The following TNR variants were observed in gnomAD, a reference collection of about 807,000 sequenced individuals.
TNR encodes the protein tenascin-R.
TNR carries 45 observed loss-of-function variants against 150.4 expected under a neutral mutation model. The observed-to-expected ratio is 0.30, with a 90% CI of 0.24 to 0.38. The LOEUF is 0.38. Among genes scored for constraint, TNR ranks in the 10% least tolerant of loss-of-function variants. The probability of loss-of-function intolerance (pLI) is 1.00; values close to 1 mark genes in which losing one functional copy is unlikely to be tolerated. For synonymous variants in TNR, 687 were observed against 678.4 expected (o/e 1.01, Z -0.20); for missense variants, 1,544 against 1,759.1 (o/e 0.88, Z 2.19).
Position 175,625,952 on chromosome 1 carries a change from G to A in TNR, c.-164-97583C>T, listed in dbSNP as rs568609873. Among the ~76,000 whole-genome samples, 4 of 142,110 alleles carry A rather than the reference G, an allele frequency of 2.8e-5. No homozygotes were observed. The East Asian group carries it at 7.0e-4, about 25-fold the overall frequency. The allele number at this position is 142,110 out of a possible 152,430, so 93.2% of individuals were successfully genotyped here. Reference sequence around the variant, plus strand: ...ATTGTATCTCCCAGAATTCCCAAGTGTTGTGGGAGGGACCCGGGGGGGAGG... The same window carrying A: ...ATTGTATCTCCCAGAATTCCCAAGTATTGTGGGAGGGACCCGGGGGGGAGG... On this transcript the variant is annotated intron_variant, in intron 1 of 22. Transcript: ENST00000367674.
intron 2 of TNR, among the ~76,000 whole-genome samples, chr1:175,498,760 G>A (rs1320274388): frequency 6.6e-6 from 1 of 152,200 alleles, no homozygotes; most frequent in Non-Finnish European, 1.5e-5. Flanking sequence ...TTCAAAACCT[G>A]ACGATATAAA....
chr1:175,714,711 T>C (rs1044358974), intron 1 of TNR, among the ~76,000 whole-genome samples: 14 of 152,244 alleles, frequency 9.2e-5, no homozygotes, highest in Non-Finnish European at 5.9e-5. Flanking sequence ...CTTTAATTAC[T>C]GGCCCCCAAT....
At chr1:175,501,622 C>A (rs759294189) in intron 2 of TNR, among the ~76,000 whole-genome samples, 1 of 152,204 alleles carries the variant, frequency 6.6e-6, no homozygotes, top group Non-Finnish European at 1.5e-5. Context: ...TGTCACACAG[C>A]AGTAGAAGAC....
At chr1:175,733,820 G>A (rs1369455584) in intron 1 of TNR, among the ~76,000 whole-genome samples, 2 of 152,092 alleles carry the variant, frequency 1.3e-5, no homozygotes, top group Non-Finnish European at 2.9e-5. Context: ...CTGGCCTCTC[G>A]AGGGTCCAGT....
chr1:175,582,877 A>G (rs1662413550), intron 1 of TNR, among the ~76,000 whole-genome samples: 1 of 152,082 alleles, frequency 6.6e-6, no homozygotes, highest in Non-Finnish European at 1.5e-5. Flanking sequence ...TGGGTTCATT[A>G]TAAAAGGGTT....
intron 19 of TNR, among the ~76,000 whole-genome samples, chr1:175,336,619 A>G (rs1448163484): frequency 1.3e-5 from 2 of 152,052 alleles, no homozygotes; most frequent in Non-Finnish European, 2.9e-5. Context: ...ATTTTCCCTC[A>G]CTCTGTATTG....
chr1:175,616,137 G>T (rs565599624), intron 1 of TNR, among the ~76,000 whole-genome samples: 40 of 152,254 alleles, frequency 2.6e-4, no homozygotes, highest in African/African-American at 9.1e-4. Context: ...GGTCAGCTAC[G>T]TTTCCCCATG....
intron 2 of TNR, among the ~76,000 whole-genome samples, chr1:175,421,432 C>A (rs1439655944): frequency 1.3e-5 from 2 of 152,196 alleles, no homozygotes; most frequent in Non-Finnish European, 2.9e-5. Flanking sequence ...GACACTAGTT[C>A]TATTCACTAA....
intron 9 of TNR, among the ~76,000 whole-genome samples, chr1:175,374,433 G>T (rs1229506483): frequency 6.6e-6 from 1 of 152,110 alleles, no homozygotes; most frequent in Admixed American, 6.6e-5. Context: ...GAGCATGTGT[G>T]GTGTGTATGA....
intron 1 of TNR, among the ~76,000 whole-genome samples, chr1:175,721,472 A>G (rs978365013): frequency 1.3e-5 from 2 of 152,224 alleles, no homozygotes; most frequent in East Asian, 3.9e-4. Context: ...CACCCCACCC[A>G]GGTTTTTAAA....
intron 1 of TNR, among the ~76,000 whole-genome samples, chr1:175,698,448 T>A (rs1036304898): frequency 3.3e-5 from 5 of 152,196 alleles, no homozygotes; most frequent in Middle Eastern, 3.4e-3. Flanking sequence ...CCTTGACGTG[T>A]CCAAGAGATG....
intron 2 of TNR, among the ~76,000 whole-genome samples, chr1:175,496,550 C>T (rs148923991): frequency 2.6e-5 from 4 of 152,270 alleles, no homozygotes; most frequent in South Asian, 2.1e-4. Flanking sequence ...ATATTCAGCT[C>T]GAGGTAGCGC....
chr1:175,668,543 AGT>A (rs777697289), intron 1 of TNR, among the ~76,000 whole-genome samples: 5 of 152,172 alleles, frequency 3.3e-5, no homozygotes, highest in Non-Finnish European at 7.3e-5. Context: ...GAACGATGCA[AGT>A]GCCCTGAGAC....
At chr1:175,728,382 G>A (rs2101950927) in intron 1 of TNR, among the ~76,000 whole-genome samples, 1 of 152,324 alleles carries the variant, frequency 6.6e-6, no homozygotes, top group African/African-American at 2.4e-5. Flanking sequence ...CAGGGAGTGG[G>A]TGAGCCCTCT....
At chr1:175,740,556 A>G (rs1667899644) in intron 1 of TNR, among the ~76,000 whole-genome samples, 1 of 152,076 alleles carries the variant, frequency 6.6e-6, no homozygotes, top group South Asian at 2.1e-4. Context: ...TCATCTCCCC[A>G]GTCCTGGGTG....
chr1:175,596,966 G>T (rs1163605532), intron 1 of TNR, among the ~76,000 whole-genome samples: 1 of 152,162 alleles, frequency 6.6e-6, no homozygotes, highest in African/African-American at 2.4e-5. Context: ...TGGAAAAGGG[G>T]TGCATATTTC....
At chr1:175,450,143 T>C (rs1274669852) in intron 2 of TNR, among the ~76,000 whole-genome samples, 1 of 152,232 alleles carries the variant, frequency 6.6e-6, no homozygotes, top group Non-Finnish European at 1.5e-5. Flanking sequence ...CTGCATCTTC[T>C]GGAAAAGTTC....
intron 2 of TNR, among the ~76,000 whole-genome samples, chr1:175,502,097 G>A (rs923676293): frequency 2.0e-5 from 3 of 152,150 alleles, no homozygotes; most frequent in African/African-American, 7.2e-5. Flanking sequence ...CTGCACATTG[G>A]AATCACTGGG....
At position 175,671,911 on chromosome 1, in the gene TNR, C is replaced by CTGTGTGTGTGTGTGTG. The variant is rs35804880; in HGVS notation, c.-165+71299_-165+71314dup. On this transcript the variant is annotated intron_variant, in intron 1 of 22. Coordinates refer to ENST00000367674, the MANE Select transcript of TNR (RefSeq NM_003285.3). ...TCCAAGGGAGTCTTATGAGCTGTAC[C>CTGTGTGTGTGTGTGTG]TGTGTGTGTGTGTGTGTGTGTGTGT... 3.5e-3 allele frequency among the ~76,000 whole-genome samples: 502 copies of CTGTGTGTGTGTGTGTG among 142,108 alleles called. 3 individuals carry two copies. Among genetic ancestry groups the CTGTGTGTGTGTGTGTG allele is most frequent in the African/African-American group, 0.012 (436 of 37,656 alleles). The allele number at this position is 142,108 out of a possible 152,430, so 93.2% of individuals were successfully genotyped here.
Sources: allele counts gnomAD v4.1 joint callset (sites outside exome capture counted in the v4.1 genomes callset), GRCh38; gene constraint gnomAD v4.1.1; transcripts MANE v1.5; gene names NCBI Gene and HGNC (gene_info 2026-07-23, HGNC 2026-07-21).